The following ZSCAN21 variants were observed in gnomAD, a reference collection of about 807,000 sequenced individuals.
The protein encoded by ZSCAN21 is zinc finger and SCAN domain-containing protein 21.
Under a neutral mutation model 35.6 loss-of-function variants are expected in ZSCAN21, and 26 were observed. The observed-to-expected ratio is 0.73, with a 90% confidence interval of 0.54 to 1.01. ZSCAN21 has a LOEUF of 1.01. Among genes scored for constraint, ZSCAN21 ranks in the 50% least tolerant of loss-of-function variants. The probability of loss-of-function intolerance (pLI) is 0.00; values close to 1 mark genes in which losing one functional copy is unlikely to be tolerated. For missense variants in ZSCAN21, 593 were observed against 587.1 expected, an observed-to-expected ratio of 1.01 and a Z score of -0.10; for synonymous variants, 219 against 219.3, an observed-to-expected ratio of 1.00 and a Z score of 0.01.
intron 3 of ZSCAN21, among the ~76,000 whole-genome samples, chr7:100,060,344 A>C (rs1049107992): frequency 6.6e-6 from 1 of 152,080 alleles, no homozygotes; most frequent in Non-Finnish European, 1.5e-5. Context: ...AGGGCGGATC[A>C]TGAGGTCAGG....
intron 3 of ZSCAN21, among the ~76,000 whole-genome samples, chr7:100,062,176 G>A (rs761439655): frequency 6.6e-6 from 1 of 151,582 alleles, no homozygotes; most frequent in East Asian, 1.9e-4. Flanking sequence ...GTTTTTGTGA[G>A]TTTGCCACTC....
At chr7:100,052,607 A>C (rs1483854501) in intron 1 of ZSCAN21, among the ~76,000 whole-genome samples, 1 of 152,114 alleles carries the variant, frequency 6.6e-6, no homozygotes, top group African/African-American at 2.4e-5. Flanking sequence ...CTTACTGGAC[A>C]TCCAGGTGGT....
Position 100,064,027 on chromosome 7 carries a change from A to G in ZSCAN21, c.832A>G (p.Ile278Val), listed in dbSNP as rs140607349. ...ACCTACCCCAGGAGAGAGACGTTAT[A>G]TATGTGCTGAATGTGGCAAAGCCTT... ...TKPTPGERRY[I>V]CAECGKAFSN... Residue 278 changes from isoleucine (I) to valine (V), a missense_variant, in exon 4 of 4, where the codon ATA becomes GTA. Transcript: ENST00000292450. The G allele has an allele frequency of 2.6e-5, 42 of 1,614,064 alleles. No homozygotes were observed. The highest frequency in any genetic ancestry group is 1.1e-4 in the East Asian group (5 of 44,900).
intron 1 of ZSCAN21, among the ~76,000 whole-genome samples, chr7:100,054,316 C>G (rs1037321138): frequency 6.6e-5 from 10 of 151,492 alleles, no homozygotes; most frequent in Admixed American, 6.6e-5. Context: ...GTGGCACAAT[C>G]TCGGCTCACT....
chr7:100,060,872 A>C (rs547058855), intron 3 of ZSCAN21, among the ~76,000 whole-genome samples: 6 of 151,592 alleles, frequency 4.0e-5, no homozygotes, highest in South Asian at 2.1e-4. Flanking sequence ...AAAAAAAAAA[A>C]AAAAAACATT....
At chr7:100,061,947 C>T (rs941262569) in intron 3 of ZSCAN21, among the ~76,000 whole-genome samples, 1 of 152,140 alleles carries the variant, frequency 6.6e-6, no homozygotes, top group African/African-American at 2.4e-5. Flanking sequence ...CCTGGTGAGG[C>T]GTTCTAAAAA....
Position 100,057,175 on chromosome 7 carries a change from C to T in ZSCAN21, c.169C>T (p.Pro57Ser), listed in dbSNP as rs1210507909. 1 of 1,613,926 alleles carries T rather than the reference C, an allele frequency of 6.2e-7. No homozygotes were observed. Among genetic ancestry groups the T allele is most frequent in the Non-Finnish European group, 8.5e-7 (1 of 1,180,010 alleles). Residue 57 changes from proline to serine, a missense_variant, in exon 2 of 4, where the codon CCT becomes TCT. Physicochemically the swap from Pro to Ser is moderately conservative, Grantham distance 74. Transcript: ENST00000292450. Reference sequence around the variant, plus strand: ...CAGGCAGTTTGGGTACCATGATACCCCTGGACCCCGAGAGGCCCTGAGCCA... The same window carrying T: ...CAGGCAGTTTGGGTACCATGATACCTCTGGACCCCGAGAGGCCCTGAGCCA... ...RFRQFGYHDTPGPREALSQLR... is the reference protein window; with the variant it reads ...RFRQFGYHDTSGPREALSQLR...
At chr7:100,051,506 G>C (rs560309789) in intron 1 of ZSCAN21, 1 of 151,896 alleles carries the variant, frequency 6.6e-6, no homozygotes, top group African/African-American at 2.4e-5. Flanking sequence ...GTGTTAGCCA[G>C]AATGGTCTCG....
chr7:100,056,019 C>A (rs1431505616), intron 1 of ZSCAN21, among the ~76,000 whole-genome samples: 1 of 151,252 alleles, frequency 6.6e-6, no homozygotes, highest in Admixed American at 6.6e-5. Context: ...CAGCTCACTG[C>A]AAGCTCCGTC....
In ZSCAN21 at chr7:100,054,838, C is replaced by CAA. The variant is rs375324113; in HGVS notation, c.-96-2053_-96-2052dup. Among the ~76,000 whole-genome samples, 256 of 62,526 alleles carry CAA rather than the reference C, an allele frequency of 4.1e-3. 2 individuals carry two copies. The Middle Eastern group carries it at 0.045, about 11-fold the overall frequency. 41.0% of individuals were successfully genotyped at this position (62,526 alleles called of 152,430 possible). The stretch of plus-strand genomic sequence containing the variant: ...GGGGCAGCAGAGTGAGACGCTGTCT[C>CAA]AAAAAAAAAAAAAAAAAAAAAGACT... On this transcript the variant is annotated intron_variant, in intron 1 of 3. Coordinates refer to ENST00000292450, the MANE Select transcript of ZSCAN21 (RefSeq NM_145914.3).
chr7:100,064,638 T>TGTC lies in ZSCAN21; in HGVS notation c.*24_*26dup, dbSNP rs749396757. The TGTC allele has an allele frequency of 6.2e-7, 1 of 1,605,232 alleles. No individual in the cohort carries two copies. The highest frequency in any genetic ancestry group is 1.7e-5 in the Admixed American group (1 of 58,452). ...CGTAACTTTCAAGCGCTCCTGTTGT[T>TGTC]GTCGTTGTTTTAAACTTTAGAATCT... is the stretch of plus-strand genomic sequence containing the variant. On this transcript the variant is annotated 3_prime_UTR_variant, in exon 4 of 4. Transcript: ENST00000292450.
At position 100,064,585 on chromosome 7, in the gene ZSCAN21, C is replaced by T. The variant is rs773945283; in HGVS notation, c.1390C>T (p.Arg464Ter). The T allele has an allele frequency of 1.4e-5, 22 of 1,614,040 alleles. No individual in the cohort carries two copies. The Admixed American group carries it at 1.7e-4, about 12-fold the overall frequency. ...CSKSNLSKHQ[R>*]VHTGEGEAP ...CAAGTCCAATCTTTCCAAACATCAG[C>T]GAGTCCACACTGGAGAGGGAGAAGC... is the stretch of plus-strand genomic sequence containing the variant. The change falls in exon 4 of 4, where the codon CGA (arginine) becomes TGA (stop). Residue 464 changes from arginine to a stop codon, truncating the protein, a stop_gained. Coordinates refer to ENST00000292450, the MANE Select transcript of ZSCAN21 (RefSeq NM_145914.3). LOFTEE classifies it high-confidence loss of function.
chr7:100,055,333 C>T (rs553672649), intron 1 of ZSCAN21, among the ~76,000 whole-genome samples: 49 of 151,962 alleles, frequency 3.2e-4, no homozygotes, highest in Middle Eastern at 3.4e-3. Context: ...GGCGCGATCT[C>T]GGCTCATTGC....
In ZSCAN21 at chr7:100,064,341, C is replaced by G. The variant is rs545915455; in HGVS notation, c.1146C>G (p.His382Gln). The change falls in exon 4 of 4, where the codon CAC becomes CAG. Residue 382 changes from histidine (H) to glutamine (Q), a missense_variant. Physicochemically the swap from His to Gln is conservative, Grantham distance 24. Coordinates refer to ENST00000292450, the MANE Select transcript of ZSCAN21 (RefSeq NM_145914.3). ...KGSLIRHYRI[H>Q]TGEKPYQCNE... Reference sequence around the variant, plus strand: ...GCCTCATTCGTCACTATCGGATCCACACTGGGGAGAAGCCTTATCAGTGTA... The same window carrying G: ...GCCTCATTCGTCACTATCGGATCCAGACTGGGGAGAAGCCTTATCAGTGTA... The G allele has an allele frequency of 6.2e-7, 1 of 1,614,202 alleles. No homozygotes were observed. Among genetic ancestry groups the G allele is most frequent in the African/African-American group, 1.3e-5 (1 of 75,056 alleles).
rs1230119457 is a variant in ZSCAN21 at position 100,053,542 on chromosome 7, C to T, written c.-96-3369C>T. Among the ~76,000 whole-genome samples the T allele has an allele frequency of 2.1e-5, 3 of 145,688 alleles. No individual in the cohort carries two copies. The Admixed American group carries it at 2.1e-4, about 10-fold the overall frequency. ...TCTTACATACATACATACATACATA[C>T]ATAATTTTTTTTTTTTTTTTTTTTT... is the stretch of plus-strand genomic sequence containing the variant. On this transcript the variant is annotated intron_variant, in intron 1 of 3. Coordinates refer to ENST00000292450, the MANE Select transcript of ZSCAN21 (RefSeq NM_145914.3).
chr7:100,055,981 C>T (rs1792060764), intron 1 of ZSCAN21, among the ~76,000 whole-genome samples: 1 of 149,146 alleles, frequency 6.7e-6, no homozygotes, highest in South Asian at 2.1e-4. Flanking sequence ...CGCTCTGTCG[C>T]CCAGGCTGGA....
intron 1 of ZSCAN21, among the ~76,000 whole-genome samples, chr7:100,050,580 C>T (rs1341711274): frequency 6.6e-6 from 1 of 152,062 alleles, no homozygotes; most frequent in East Asian, 1.9e-4. Flanking sequence ...CGCCTGTAAT[C>T]CCAGCTACTC....
chr7:100,064,060 A>G lies in ZSCAN21; in HGVS notation c.865A>G (p.Ser289Gly), dbSNP rs1266099026. 10 of 1,614,048 alleles carry G rather than the reference A, an allele frequency of 6.2e-6. No homozygotes were observed. The Admixed American group carries it at 1.2e-4, about 19-fold the overall frequency. Residue 289 changes from serine (S) to glycine (G), a missense_variant, in exon 4 of 4, where the codon AGC becomes GGC. Physicochemically the swap from Ser to Gly is moderately conservative, Grantham distance 56. Coordinates refer to ENST00000292450, the MANE Select transcript of ZSCAN21 (RefSeq NM_145914.3). Reference sequence around the variant, plus strand: ...TGAATGTGGCAAAGCCTTTAGTAATAGCTCAAATCTCACCAAACACAGGAG... The same window carrying G: ...TGAATGTGGCAAAGCCTTTAGTAATGGCTCAAATCTCACCAAACACAGGAG... Reference protein sequence around the residue: ...CAECGKAFSNSSNLTKHRRTH... With the variant: ...CAECGKAFSNGSNLTKHRRTH...
chr7:100,064,920 A>G lies in ZSCAN21; in HGVS notation c.*303A>G. ...AACAGACGTGTATCCAGTCTAGTTA[A>G]GGAAGAAACATTAAGATTGTTTAAT... On this transcript the variant is annotated 3_prime_UTR_variant, in exon 4 of 4. Transcript: ENST00000292450. 6.2e-7 allele frequency: 1 copy of G among 1,612,478 alleles called. No homozygotes were observed. The highest frequency in any genetic ancestry group is 2.2e-5 in the East Asian group (1 of 44,890).
Sources: allele counts gnomAD v4.1 joint callset (sites outside exome capture counted in the v4.1 genomes callset), GRCh38; gene constraint gnomAD v4.1.1; transcripts MANE v1.5; gene names NCBI Gene and HGNC (gene_info 2026-07-23, HGNC 2026-07-21).